BCKDHB: variants seen among roughly 807,000 people sequenced by gnomAD.
The protein encoded by BCKDHB is 2-oxoisovalerate dehydrogenase subunit beta, mitochondrial.
A neutral mutation model predicts 48.5 loss-of-function variants in BCKDHB; 41 were observed. The observed-to-expected ratio is 0.85, with a 90% CI of 0.66 to 1.10. BCKDHB has a LOEUF of 1.10. Ranked by LOEUF, BCKDHB falls within the 50% of genes least tolerant of loss-of-function variation. The probability of loss-of-function intolerance (pLI) is 0.00; values close to 1 mark genes in which losing one functional copy is unlikely to be tolerated. For synonymous variants in BCKDHB, 201 were observed against 174.8 expected, an observed-to-expected ratio of 1.15 and a Z score of -1.18; for missense variants, 496 against 494.2, an observed-to-expected ratio of 1.00 and a Z score of -0.03.
At chr6:80,377,181 C>T in the BCKDHB span, among the ~76,000 whole-genome samples, 1 of 151,804 alleles carries the variant, frequency 6.6e-6, no homozygotes, top group African/African-American at 2.4e-5. Context: ...GCTGGATTTA[C>T]AGGTGCCCAC....
intron 9 of BCKDHB, among the ~76,000 whole-genome samples, chr6:80,313,343 T>G (rs1768263401): frequency 6.6e-6 from 1 of 152,070 alleles, no homozygotes; most frequent in Non-Finnish European, 1.5e-5. Flanking sequence ...TCTTTATTAG[T>G]GTAGCTAGTG....
At chr6:80,400,523 C>T in the BCKDHB span, among the ~76,000 whole-genome samples, 1 of 151,976 alleles carries the variant, frequency 6.6e-6, no homozygotes, top group East Asian at 1.9e-4. Context: ...CAATGAGAAT[C>T]CATATCACTC....
At chr6:80,456,986 CTG>C in the BCKDHB span, among the ~76,000 whole-genome samples, 417 of 152,268 alleles carry the variant, frequency 2.7e-3, 3 homozygotes, top group African/African-American at 9.6e-3. Flanking sequence ...CCACAATAAA[CTG>C]TTTTTTTAAA....
chr6:80,436,724 T>A, the BCKDHB span, among the ~76,000 whole-genome samples: 1 of 152,242 alleles, frequency 6.6e-6, no homozygotes, highest in East Asian at 1.9e-4. Flanking sequence ...TGATTAATAC[T>A]CTTTCCCTTT....
At chr6:80,444,102 G>A in the BCKDHB span, among the ~76,000 whole-genome samples, 2 of 151,940 alleles carry the variant, frequency 1.3e-5, no homozygotes, top group African/African-American at 4.8e-5. Flanking sequence ...ACAATTTTTA[G>A]TTAGCTAGAA....
At chr6:80,333,710 A>G (rs917695058) in intron 9 of BCKDHB, among the ~76,000 whole-genome samples, 1 of 152,194 alleles carries the variant, frequency 6.6e-6, no homozygotes, top group Non-Finnish European at 1.5e-5. Context: ...AGTAGATAAA[A>G]ATTATTAAGT....
chr6:80,194,839 T>C (rs187834391), intron 6 of BCKDHB, among the ~76,000 whole-genome samples: 2 of 152,350 alleles, frequency 1.3e-5, no homozygotes, highest in Non-Finnish European at 2.9e-5. Context: ...GTTTTCTTTA[T>C]TTGCTGCACT....
intron 6 of BCKDHB, among the ~76,000 whole-genome samples, chr6:80,189,235 A>G (rs918934251): frequency 1.3e-5 from 2 of 152,124 alleles, no homozygotes; most frequent in South Asian, 4.1e-4. Context: ...TTTTATATAT[A>G]CCTTTAATTT....
At chr6:80,452,235 G>A in the BCKDHB span, among the ~76,000 whole-genome samples, 2 of 152,178 alleles carry the variant, frequency 1.3e-5, no homozygotes, top group Non-Finnish European at 1.5e-5. Flanking sequence ...GACCAAGCCC[G>A]ATTTCAGTGG....
intron 7 of BCKDHB, among the ~76,000 whole-genome samples, chr6:80,202,075 A>G (rs1036345269): frequency 6.7e-6 from 1 of 150,174 alleles, no homozygotes; most frequent in South Asian, 2.2e-4. Context: ...CCACTTTTTG[A>G]TCCACATCTC....
intron 5 of BCKDHB, among the ~76,000 whole-genome samples, chr6:80,170,496 G>C (rs530716367): frequency 1.3e-5 from 2 of 152,298 alleles, no homozygotes; most frequent in South Asian, 4.1e-4. Context: ...CTTTGATCAA[G>C]CAAGTCGTGT....
rs764568237 is a variant in BCKDHB at position 80,127,574 on chromosome 6, A to G, written c.224A>G (p.Gln75Arg). ...CAAACTCAGAAAATGAATCTTTTCCAGTCTGTAACAAGTGCCTTGGATAAC... is the reference window on the plus strand; with the variant it reads ...CAAACTCAGAAAATGAATCTTTTCCGGTCTGTAACAAGTGCCTTGGATAAC... ...YGQTQKMNLF[Q>R]SVTSALDNSL... The change falls in exon 2 of 10, where the codon CAG (glutamine) becomes CGG (arginine). Residue 75 changes from glutamine (Q) to arginine (R), a missense_variant. Gln to Arg is a conservative substitution (Grantham distance 43). Transcript: ENST00000320393. The G allele has an allele frequency of 6.2e-7, 1 of 1,613,302 alleles. No individual in the cohort carries two copies. Among genetic ancestry groups the G allele is most frequent in the African/African-American group, 1.3e-5 (1 of 74,966 alleles).
intron 9 of BCKDHB, among the ~76,000 whole-genome samples, chr6:80,285,815 A>C (rs931116283): frequency 2.6e-5 from 4 of 152,180 alleles, no homozygotes; most frequent in Non-Finnish European, 4.4e-5. Context: ...TGATGTAGGC[A>C]AATCTTTTTT....
rs183740358 is a variant in BCKDHB, at chr6:80,201,944, A to C, written c.840+913A>C. Among the ~76,000 whole-genome samples the C allele has an allele frequency of 2.7e-3, 412 of 152,262 alleles. 2 individuals are homozygous for C. The highest frequency in any genetic ancestry group is 9.2e-3 in the African/African-American group (381 of 41,560). On this transcript the variant is annotated intron_variant, in intron 7 of 9. Transcript: ENST00000320393. ...CTCTCCTTTCCTTTTGATTTTTGGC[A>C]TGGAGAGCTAGAGTCCTTATGGTTT...
chr6:80,110,439 A>G (rs942249895), intron 1 of BCKDHB, among the ~76,000 whole-genome samples: 2 of 152,318 alleles, frequency 1.3e-5, no homozygotes, highest in African/African-American at 4.8e-5. Flanking sequence ...GAGGTCATCC[A>G]TATACTGGAG....
intron 3 of BCKDHB, among the ~76,000 whole-genome samples, chr6:80,163,352 G>A (rs534960803): frequency 6.7e-5 from 10 of 149,936 alleles, no homozygotes; most frequent in Admixed American, 2.0e-4. Flanking sequence ...TTGCAGAAAC[G>A]GTCATGTTAA....
chr6:80,298,228 T>TGAGGC (rs1208322990), intron 9 of BCKDHB, among the ~76,000 whole-genome samples: 1 of 152,186 alleles, frequency 6.6e-6, no homozygotes, highest in Admixed American at 6.5e-5. Flanking sequence ...TTCTCATACC[T>TGAGGC]TAGCCTCTCA....
Position 80,343,500 on chromosome 6 carries a change from G to A in BCKDHB, c.1039-164G>A, listed in dbSNP as rs2322763. On this transcript the variant is annotated intron_variant, in intron 9 of 9. Coordinates refer to ENST00000320393, the MANE Select transcript of BCKDHB (RefSeq NM_183050.4). ...ACACATAATAAAACTGGGATCATGC[G>A]AACATGCTGTTACCTGCTTTTTTCA... The A allele has an allele frequency of 3.0e-5, 22 of 739,154 alleles. 1 individual carries two copies. Among genetic ancestry groups the A allele is most frequent in the Middle Eastern group, 7.6e-4 (2 of 2,632 alleles). 45.8% of individuals were successfully genotyped at this position (739,154 alleles called of 1,614,324 possible). A position where few individuals can be genotyped will look rare whatever the true frequency, so the allele number is the denominator to read the frequency against.
intron 9 of BCKDHB, among the ~76,000 whole-genome samples, chr6:80,327,915 TCTCCC>T (rs1419327422): frequency 1.5e-5 from 2 of 137,138 alleles, no homozygotes; most frequent in Non-Finnish European, 3.1e-5. Context: ...TCCCCTCCCT[TCTCCC>T]CTCCCCTCCC....
Sources: allele counts gnomAD v4.1 joint callset (sites outside exome capture counted in the v4.1 genomes callset), GRCh38; gene constraint gnomAD v4.1.1; transcripts MANE v1.5; gene names NCBI Gene and HGNC (gene_info 2026-07-23, HGNC 2026-07-21).